The following NHSL3 variants were observed in gnomAD, a reference collection of about 807,000 sequenced individuals.
NHSL3 encodes NHS-like protein 3.
the NHSL3 span, among the ~76,000 whole-genome samples, chr1:32,747,290 A>G: frequency 6.6e-6 from 1 of 151,224 alleles, no homozygotes; most frequent in Non-Finnish European, 1.5e-5. Flanking sequence ...GGTTCAAGCG[A>G]TTCTTCTGCT....
At chr1:32,752,082 G>A in the NHSL3 span, among the ~76,000 whole-genome samples, 2 of 152,116 alleles carry the variant, frequency 1.3e-5, no homozygotes, top group Non-Finnish European at 1.5e-5. Context: ...GCTGATCTCC[G>A]AGGTCTTTTT....
the NHSL3 span, among the ~76,000 whole-genome samples, chr1:32,746,690 C>G: frequency 1.8e-4 from 28 of 152,296 alleles, no homozygotes; most frequent in African/African-American, 5.3e-4. Flanking sequence ...TGCCAGAGGA[C>G]CAGACAGGCA....
the NHSL3 span, chr1:32,771,492 TC>T: frequency 8.9e-7 from 1 of 1,126,884 alleles, no homozygotes. Flanking sequence ...ACTGGCCCCC[TC>T]CCCCACCCCC....
chr1:32,751,238 T>G, the NHSL3 span, among the ~76,000 whole-genome samples: 1 of 152,218 alleles, frequency 6.6e-6, no homozygotes, highest in East Asian at 1.9e-4. Flanking sequence ...CTGTCCTGTG[T>G]TCTTGGCAGT....
chr1:32,771,866 G>A, the NHSL3 span: 1 of 1,597,416 alleles, frequency 6.3e-7, no homozygotes, highest in Non-Finnish European at 8.5e-7. Context: ...GGTGCTCCAG[G>A]AGGGGCTCCC....
At chr1:32,744,110 A>T in the NHSL3 span, among the ~76,000 whole-genome samples, 3 of 152,156 alleles carry the variant, frequency 2.0e-5, no homozygotes, top group Non-Finnish European at 4.4e-5. Flanking sequence ...GAATGTTCAG[A>T]ATGGAGATTG....
At chr1:32,769,656 C>G in the NHSL3 span, 21 of 1,596,224 alleles carry the variant, frequency 1.3e-5, no homozygotes, top group Non-Finnish European at 1.7e-5. Flanking sequence ...AGTTTTTCTC[C>G]CACGACTGGC....
At chr1:32,745,957 A>G in the NHSL3 span, among the ~76,000 whole-genome samples, 2 of 151,956 alleles carry the variant, frequency 1.3e-5, no homozygotes, top group Non-Finnish European at 2.9e-5. Context: ...CAGGCCAGGC[A>G]CGGTGGCTCA....
At chr1:32,758,568 C>T in the NHSL3 span, among the ~76,000 whole-genome samples, 2,853 of 151,992 alleles carry the variant, frequency 0.019, 92 homozygotes, top group African/African-American at 0.064. Context: ...GTGGGAGCCC[C>T]GGGCTTCCAG....
the NHSL3 span, among the ~76,000 whole-genome samples, chr1:32,746,134 G>A: frequency 6.6e-6 from 1 of 151,178 alleles, no homozygotes; most frequent in South Asian, 2.1e-4. Context: ...GGGAGGCTGA[G>A]GCAGGAGAAT....
At chr1:32,767,150 TC>T in the NHSL3 span, among the ~76,000 whole-genome samples, 1 of 152,224 alleles carries the variant, frequency 6.6e-6, no homozygotes, top group Admixed American at 6.5e-5. Context: ...CTTCCTGATT[TC>T]CCGTGATATC....
the NHSL3 span, chr1:32,767,712 C>T: frequency 2.2e-6 from 3 of 1,341,038 alleles, no homozygotes; most frequent in Non-Finnish European, 3.1e-6. Context: ...CCATGACTGC[C>T]CTTGCCGTGA....
At chr1:32,770,235 G>A in the NHSL3 span, 13 of 1,603,832 alleles carry the variant, frequency 8.1e-6, no homozygotes, top group East Asian at 4.5e-5. This position sits in a 1 kb window ranked among gnomAD's most constrained non-coding sequence, Gnocchi z 8.3. Context: ...CCTACCTGTC[G>A]AAGTTGATTC....
chr1:32,746,179 C>T, the NHSL3 span, among the ~76,000 whole-genome samples: 9 of 144,402 alleles, frequency 6.2e-5, no homozygotes, highest in Admixed American at 2.2e-4. Context: ...TGCAATGAGC[C>T]GAGATCGCGT....
At chr1:32,770,464 G>A in the NHSL3 span, 31 of 1,598,740 alleles carry the variant, frequency 1.9e-5, no homozygotes, top group South Asian at 1.7e-4. This position sits in a 1 kb window ranked among gnomAD's most constrained non-coding sequence, Gnocchi z 8.3. Flanking sequence ...TGTGTCTGAC[G>A]GTTCCACCCT....
the NHSL3 span, among the ~76,000 whole-genome samples, chr1:32,748,985 A>G: frequency 2.6e-5 from 4 of 152,348 alleles, no homozygotes; most frequent in Admixed American, 2.0e-4. Flanking sequence ...TAAGTGTTAT[A>G]TACCAGGCAC....
chr1:32,770,533 G>A, the NHSL3 span: 1 of 1,538,768 alleles, frequency 6.5e-7, no homozygotes, highest in Non-Finnish European at 8.8e-7. The surrounding 1 kb of genome is among the most constrained non-coding windows in gnomAD (Gnocchi z 8.3). Flanking sequence ...CAATAGCGTG[G>A]TACCCCCTCC....
chr1:32,742,898 C>G, the NHSL3 span, among the ~76,000 whole-genome samples: 1 of 152,236 alleles, frequency 6.6e-6, no homozygotes, highest in Non-Finnish European at 1.5e-5. Context: ...AACTGAGGCC[C>G]AAGCTCAGTG....
the NHSL3 span, chr1:32,772,284 A>ACCC: frequency 1.8e-5 from 15 of 818,974 alleles, no homozygotes; most frequent in Non-Finnish European, 2.5e-5. Context: ...GAGTCCCCCC[A>ACCC]CCCGCCTCCC....
Sources: allele counts gnomAD v4.1 joint callset (sites outside exome capture counted in the v4.1 genomes callset), GRCh38; gene constraint gnomAD v4.1.1; non-coding constraint Gnocchi (gnomAD v3.1); transcripts MANE v1.5; gene names NCBI Gene and HGNC (gene_info 2026-07-23, HGNC 2026-07-21).